Variants in THSD7A observed in about 807,000 individuals in gnomAD.
THSD7A encodes the protein thrombospondin type-1 domain-containing protein 7A.
In THSD7A, 96 loss-of-function variants were observed where a neutral mutation model predicts 231.3. That is an observed-to-expected ratio of 0.41 (90% CI 0.35 to 0.49). THSD7A has a LOEUF of 0.49. Ranked by LOEUF, THSD7A falls within the 20% of genes least tolerant of loss-of-function variation. The pLI is 0.05. For missense variants in THSD7A, 2,290 were observed against 2,070.2 expected (o/e 1.11, Z -2.06); for synonymous variants, 940 against 743.3 (o/e 1.26, Z -4.30).
chr7:11,722,572 T>C (rs1781394622), intron 1 of THSD7A, among the ~76,000 whole-genome samples: 1 of 151,822 alleles, frequency 6.6e-6, no homozygotes, highest in African/African-American at 2.4e-5. Flanking sequence ...ACTGTGATTT[T>C]ATCCACAACT....
chr7:11,669,199 A>G (rs1783274415), intron 1 of THSD7A, among the ~76,000 whole-genome samples: 1 of 152,172 alleles, frequency 6.6e-6, no homozygotes, highest in Non-Finnish European at 1.5e-5. Flanking sequence ...TCTGCAGGTA[A>G]TATCACAGAA....
intron 6 of THSD7A, among the ~76,000 whole-genome samples, chr7:11,505,752 G>C (rs1787518149): frequency 6.6e-6 from 1 of 152,112 alleles, no homozygotes; most frequent in Non-Finnish European, 1.5e-5. Flanking sequence ...AGTGAGGTTA[G>C]GATTCAGAAT....
At chr7:11,786,401 C>T (rs1583290191) in intron 1 of THSD7A, among the ~76,000 whole-genome samples, 1 of 152,032 alleles carries the variant, frequency 6.6e-6, no homozygotes, top group African/African-American at 2.4e-5. Context: ...GGAGAAATAA[C>T]TTGTCTCCAC....
intron 2 of THSD7A, among the ~76,000 whole-genome samples, chr7:11,610,787 T>C (rs1411610190): frequency 6.6e-6 from 1 of 152,158 alleles, no homozygotes; most frequent in Non-Finnish European, 1.5e-5. Flanking sequence ...ATTACAACTA[T>C]ATGGAATTTC....
intron 1 of THSD7A, among the ~76,000 whole-genome samples, chr7:11,769,153 A>C (rs7785212): frequency 7.2e-5 from 2 of 27,662 alleles, no homozygotes; most frequent in Non-Finnish European, 1.4e-4. Context: ...ATATATATAT[A>C]TTTTTTTTTT....
chr7:11,449,512 G>C (rs1379419674), intron 11 of THSD7A, among the ~76,000 whole-genome samples: 1 of 152,020 alleles, frequency 6.6e-6, no homozygotes, highest in African/African-American at 2.4e-5. Context: ...AATCAGCCTG[G>C]TACCATGCCA....
intron 14 of THSD7A, 82 bp from the exon 15 acceptor site, chr7:11,426,753 A>G (rs1467197279): frequency 7.1e-7 from 1 of 1,405,312 alleles, no homozygotes; most frequent in Non-Finnish European, 9.5e-7. Context: ...AGAAGAACAC[A>G]TGGTAAGTTT....
At chr7:11,441,033 G>C (rs1279414761) in intron 13 of THSD7A, among the ~76,000 whole-genome samples, 3 of 151,960 alleles carry the variant, frequency 2.0e-5, no homozygotes, top group Admixed American at 2.0e-4. Context: ...CCAAAGTATA[G>C]AAACCACTGC....
At chr7:11,805,909 T>G (rs1268650165) in intron 1 of THSD7A, among the ~76,000 whole-genome samples, 1 of 152,170 alleles carries the variant, frequency 6.6e-6, no homozygotes, top group African/African-American at 2.4e-5. Flanking sequence ...TAACTTGTTT[T>G]GAGAAAAGGA....
At chr7:11,622,993 A>T (rs1781368229) in intron 2 of THSD7A, among the ~76,000 whole-genome samples, 1 of 152,162 alleles carries the variant, frequency 6.6e-6, no homozygotes, top group African/African-American at 2.4e-5. Context: ...ACAAGGGGAG[A>T]TGTTTACACT....
chr7:11,412,713 C>A lies in THSD7A; in HGVS notation c.3625G>T (p.Glu1209Ter). The change falls in exon 18 of 28, where the codon GAG (glutamate) becomes TAG (stop). Residue 1209 changes from glutamate to a stop codon, truncating the protein, a stop_gained. Transcript: ENST00000423059. LOFTEE classifies it high-confidence loss of function. ...TTGTTCAGGTTACAGGGTTCTTTCT[C>A]AACAGCATTAGGGCAAGATCTTCCT... is the stretch of plus-strand genomic sequence containing the variant. ...DEGRSCPNAV[E>*]KEPCNLNKNC... The A allele has an allele frequency of 1.9e-6, 3 of 1,613,832 alleles. No individual in the cohort carries two copies. The highest frequency in any genetic ancestry group is 2.5e-6 in the Non-Finnish European group (3 of 1,179,832).
At chr7:11,426,280 T>A (rs1440887883) in intron 15 of THSD7A, among the ~76,000 whole-genome samples, 1 of 152,154 alleles carries the variant, frequency 6.6e-6, no homozygotes, top group African/African-American at 2.4e-5. Context: ...TGTACTGAAG[T>A]GAATACCCAT....
intron 4 of THSD7A, among the ~76,000 whole-genome samples, chr7:11,554,308 C>T (rs1350792196): frequency 1.3e-5 from 2 of 151,980 alleles, no homozygotes; most frequent in Admixed American, 1.3e-4. Flanking sequence ...CAGAGAAGTA[C>T]CATGCTTAAC....
intron 1 of THSD7A, among the ~76,000 whole-genome samples, chr7:11,758,010 CATATATATATATATATAT>C (rs3037680): frequency 7.0e-6 from 1 of 142,824 alleles, no homozygotes; most frequent in East Asian, 2.1e-4. Flanking sequence ...CATATGCATT[CATATATATATATATATAT>C]ATATATATAT....
Position 11,505,721 on chromosome 7 carries a change from G to A in THSD7A, c.1823-23739C>T, listed in dbSNP as rs549089711. ...TTGGGTGTTCAGTCAATAGGGTTATGGCAAATTTTACATGCTGAGAAGTGA... is the reference window on the plus strand; with the variant it reads ...TTGGGTGTTCAGTCAATAGGGTTATAGCAAATTTTACATGCTGAGAAGTGA... On this transcript the variant is annotated intron_variant, in intron 6 of 27. Transcript: ENST00000423059. Among the ~76,000 whole-genome samples, 7 of 152,244 alleles carry A rather than the reference G, an allele frequency of 4.6e-5. No individual in the cohort carries two copies. In the South Asian group the frequency reaches 1.0e-3, roughly 23 times the overall value.
At chr7:11,805,468 T>C (rs1233760738) in intron 1 of THSD7A, among the ~76,000 whole-genome samples, 1 of 152,156 alleles carries the variant, frequency 6.6e-6, no homozygotes, top group Non-Finnish European at 1.5e-5. Flanking sequence ...CTCTATATTA[T>C]GAATAATATT....
intron 2 of THSD7A, among the ~76,000 whole-genome samples, chr7:11,622,102 A>G (rs1219866815): frequency 1.3e-5 from 2 of 152,236 alleles, no homozygotes; most frequent in East Asian, 3.9e-4. Flanking sequence ...TTAAAGTAAA[A>G]TGTATATATT....
intron 6 of THSD7A, among the ~76,000 whole-genome samples, chr7:11,506,745 C>T (rs1352070584): frequency 6.6e-6 from 1 of 152,154 alleles, no homozygotes; most frequent in African/African-American, 2.4e-5. Context: ...CTAACACTTT[C>T]CTCTCTGATA....
chr7:11,757,256 C>T (rs1782714636), intron 1 of THSD7A, among the ~76,000 whole-genome samples: 1 of 151,952 alleles, frequency 6.6e-6, no homozygotes, highest in Admixed American at 6.6e-5. Context: ...TTTATCAGAT[C>T]TATTTTCATG....
Sources: allele counts gnomAD v4.1 joint callset (sites outside exome capture counted in the v4.1 genomes callset), GRCh38; gene constraint gnomAD v4.1.1; transcripts MANE v1.5; gene names NCBI Gene and HGNC (gene_info 2026-07-23, HGNC 2026-07-21).